Variants in MAGI2 observed in about 807,000 individuals in gnomAD.
MAGI2 encodes membrane-associated guanylate kinase, WW and PDZ domain-containing protein 2.
MAGI2 carries 35 observed loss-of-function variants against 133.3 expected under a neutral mutation model. That is an observed-to-expected ratio of 0.26 (90% CI 0.20 to 0.35). The LOEUF (loss-of-function observed/expected upper bound fraction) is 0.35. Among genes scored for constraint, MAGI2 ranks in the 10% least tolerant of loss-of-function variants. The pLI is 1.00. For missense variants in MAGI2, 1,636 were observed against 1,863.4 expected, an observed-to-expected ratio of 0.88 and a Z score of 2.25; for synonymous variants, 729 against 710.6, an observed-to-expected ratio of 1.03 and a Z score of -0.41.
At chr7:78,227,883 T>TGTGTG (rs1563292086) in intron 10 of MAGI2, among the ~76,000 whole-genome samples, 3 of 149,206 alleles carry the variant, frequency 2.0e-5, no homozygotes, top group Non-Finnish European at 4.4e-5. Context: ...TGTGTGTGTG[T>TGTGTG]TTTAAACCCT....
chr7:79,116,036 G>A (rs1819387320), intron 1 of MAGI2, among the ~76,000 whole-genome samples: 2 of 151,878 alleles, frequency 1.3e-5, no homozygotes, highest in Admixed American at 1.3e-4. Flanking sequence ...TCAGCAGCGA[G>A]GCAGACAAGA....
At chr7:78,709,259 G>C (rs919870366) in intron 2 of MAGI2, among the ~76,000 whole-genome samples, 1 of 139,366 alleles carries the variant, frequency 7.2e-6, no homozygotes, top group Non-Finnish European at 1.7e-5. Flanking sequence ...AGGCCTCCCT[G>C]TCCCCACCTG....
chr7:78,431,123 A>G (rs1799754276), intron 6 of MAGI2, among the ~76,000 whole-genome samples: 1 of 148,092 alleles, frequency 6.8e-6, no homozygotes, highest in South Asian at 2.1e-4. Flanking sequence ...AAAAGAAAAC[A>G]CCTACTTGGT....
chr7:78,097,980 A>C (rs1047898214), intron 20 of MAGI2, among the ~76,000 whole-genome samples: 2 of 151,810 alleles, frequency 1.3e-5, no homozygotes, highest in African/African-American at 4.9e-5. Context: ...TAAATCTATG[A>C]TGAAAAATTT....
At chr7:79,438,514 G>A (rs1196893940) in intron 1 of MAGI2, among the ~76,000 whole-genome samples, 1 of 152,042 alleles carries the variant, frequency 6.6e-6, no homozygotes, top group Non-Finnish European at 1.5e-5. Flanking sequence ...AGTTCTCAAA[G>A]ATAGCAATTT....
chr7:79,113,918 GAGGCCCTGACCATGGAACAGTA>G (rs1819164931), intron 1 of MAGI2, among the ~76,000 whole-genome samples: 1 of 152,012 alleles, frequency 6.6e-6, no homozygotes, highest in Non-Finnish European at 1.5e-5. Flanking sequence ...TTACCTTTCA[GAGGCCCTGACCATGGAACAGTA>G]TATGTCTTTT....
At chr7:79,110,462 G>T (rs901350774) in intron 1 of MAGI2, among the ~76,000 whole-genome samples, 2 of 152,180 alleles carry the variant, frequency 1.3e-5, no homozygotes, top group Admixed American at 1.3e-4. Flanking sequence ...TTTCAAACTT[G>T]CATGGGGCCT....
intron 16 of MAGI2, among the ~76,000 whole-genome samples, chr7:78,141,448 G>T (rs1199133139): frequency 6.6e-6 from 1 of 152,136 alleles, no homozygotes; most frequent in Non-Finnish European, 1.5e-5. Flanking sequence ...ATATGACAAG[G>T]TGTCCTTCAA....
chr7:79,352,585 C>A (rs898310920), intron 1 of MAGI2, among the ~76,000 whole-genome samples: 1 of 152,214 alleles, frequency 6.6e-6, no homozygotes, highest in African/African-American at 2.4e-5. Flanking sequence ...CCCACTCACA[C>A]TGGGATCTCT....
intron 2 of MAGI2, among the ~76,000 whole-genome samples, chr7:78,663,003 A>G (rs1476144745): frequency 6.6e-6 from 1 of 152,142 alleles, no homozygotes; most frequent in Non-Finnish European, 1.5e-5. Flanking sequence ...TATAGTAGAC[A>G]CAAAATTAGA....
chr7:79,444,466 C>A (rs1246306538), intron 1 of MAGI2, among the ~76,000 whole-genome samples: 1 of 152,190 alleles, frequency 6.6e-6, no homozygotes, highest in Non-Finnish European at 1.5e-5. Flanking sequence ...TCAGCAAAGT[C>A]TCAGCATACA....
At position 79,186,213 on chromosome 7, in the gene MAGI2, TATATATATA is replaced by T. The variant is rs1456249299; in HGVS notation, c.302-179016_302-179008del. Among the ~76,000 whole-genome samples, 45 of 6,020 alleles carry T rather than the reference TATATATATA, an allele frequency of 7.5e-3. 1 individual carries two copies. The highest frequency in any genetic ancestry group is 0.016 in the African/African-American group (44 of 2,742). 3.9% of individuals were successfully genotyped at this position (6,020 alleles called of 152,430 possible). The stretch of plus-strand genomic sequence containing the variant: ...GAAAATATATATATATATATATATA[TATATATATA>T]TATATATATATATATATATATTTAT... On this transcript the variant is annotated intron_variant, in intron 1 of 21. Transcript: ENST00000354212.
In MAGI2 at chr7:78,505,409, A is replaced by C. The variant is rs371624050; in HGVS notation, c.755-3622T>G. Among the ~76,000 whole-genome samples the C allele has an allele frequency of 1.9e-3, 287 of 152,234 alleles. 3 individuals carry two copies. Among genetic ancestry groups the C allele is most frequent in the African/African-American group, 5.9e-3 (245 of 41,542 alleles). ...GTCTCCTAGCTGATTCCTTATAAAG[A>C]TTTGATCTTTGTAAGTTTTGTAGGA... On this transcript the variant is annotated intron_variant, in intron 4 of 21. Transcript: ENST00000354212.
rs1050119625 is a variant in MAGI2, at chr7:78,297,745, C to A, written c.1409-41164G>T. 3.3e-5 allele frequency among the ~76,000 whole-genome samples: 5 copies of A among 149,318 alleles called. No individual in the cohort carries two copies. The South Asian group carries it at 1.1e-3, about 32-fold the overall frequency. Reference sequence around the variant, plus strand: ...GTCACAAGAACAAAAAACCAAACACCGCATATTCTCACTCATAGGTGGGAA... The same window carrying A: ...GTCACAAGAACAAAAAACCAAACACAGCATATTCTCACTCATAGGTGGGAA... On this transcript the variant is annotated intron_variant, in intron 9 of 21. Coordinates refer to ENST00000354212, the MANE Select transcript of MAGI2 (RefSeq NM_012301.4).
chr7:78,195,327 T>C (rs984870304), intron 11 of MAGI2, among the ~76,000 whole-genome samples: 3 of 152,244 alleles, frequency 2.0e-5, no homozygotes, highest in African/African-American at 7.2e-5. Flanking sequence ...CCAGTAATCT[T>C]TGGCAAACCA....
At chr7:79,191,435 T>C (rs1358464154) in intron 1 of MAGI2, among the ~76,000 whole-genome samples, 1 of 112,240 alleles carries the variant, frequency 8.9e-6, no homozygotes, top group South Asian at 2.9e-4. Flanking sequence ...TTTTTTTTTT[T>C]AGAGATAGGG....
chr7:78,349,618 A>G (rs1474259530), intron 7 of MAGI2, among the ~76,000 whole-genome samples: 1 of 152,206 alleles, frequency 6.6e-6, no homozygotes, highest in Non-Finnish European at 1.5e-5. Context: ...GAATGAGAAT[A>G]CCAATGAGCT....
At chr7:79,345,203 C>G (rs1465151794) in intron 1 of MAGI2, among the ~76,000 whole-genome samples, 1 of 152,036 alleles carries the variant, frequency 6.6e-6, no homozygotes, top group Non-Finnish European at 1.5e-5. Context: ...CAATATAACT[C>G]ATCATGTCCT....
At chr7:78,867,550 G>C (rs1239078964) in intron 2 of MAGI2, among the ~76,000 whole-genome samples, 1 of 143,804 alleles carries the variant, frequency 7.0e-6, no homozygotes, top group African/African-American at 2.6e-5. Context: ...GTGGCGTGGG[G>C]GGAGGGGGGA....
Sources: allele counts gnomAD v4.1 joint callset (sites outside exome capture counted in the v4.1 genomes callset), GRCh38; gene constraint gnomAD v4.1.1; transcripts MANE v1.5; gene names NCBI Gene and HGNC (gene_info 2026-07-23, HGNC 2026-07-21).